Variants in ANKRD31 observed in about 807,000 individuals in gnomAD.
ANKRD31 encodes the protein ankyrin repeat domain 31.
A neutral mutation model predicts 186.0 loss-of-function variants in ANKRD31; 147 were observed. The ratio of observed to expected loss-of-function variants is 0.79; its 90% CI spans 0.69 to 0.91. ANKRD31 has a LOEUF of 0.91. Among genes scored for constraint, ANKRD31 ranks in the 40% least tolerant of loss-of-function variants. The pLI is 0.00. For synonymous variants in ANKRD31, 673 were observed against 736.4 expected (o/e 0.91, Z 1.39); for missense variants, 1,986 against 2,148.8 (o/e 0.92, Z 1.50).
rs371463683 is a variant in ANKRD31, at chr5:75,148,492, A to T, written c.1905+84T>A. 38 of 918,110 alleles carry T rather than the reference A, an allele frequency of 4.1e-5. No individual in the cohort carries two copies. The African/African-American group carries it at 6.2e-4, about 15-fold the overall frequency. 56.9% of individuals were successfully genotyped at this position (918,110 alleles called of 1,614,324 possible). The stretch of plus-strand genomic sequence containing the variant: ...AAGTCATTATTACTAAAGCTTCAGC[A>T]GTCTTTCTCTTCCCTTTGACAATCT... On this transcript the variant is annotated intron_variant, in intron 13 of 25. Coordinates refer to ENST00000506364, the MANE Select transcript of ANKRD31 (RefSeq NM_001372053.1).
At chr5:75,229,382 T>C (rs1240254966) in intron 2 of ANKRD31, among the ~76,000 whole-genome samples, 4 of 152,156 alleles carry the variant, frequency 2.6e-5, no homozygotes, top group Non-Finnish European at 5.9e-5. Flanking sequence ...GGAAAAAGGC[T>C]ATATGGGTGG....
intron 5 of ANKRD31, among the ~76,000 whole-genome samples, chr5:75,200,294 TTTC>T (rs911426601): frequency 4.6e-5 from 5 of 107,728 alleles, no homozygotes; most frequent in Middle Eastern, 4.0e-3. Context: ...ACATTCTTTC[TTTC>T]TTTTTTTTTT....
At chr5:75,078,041 T>G (rs1020556528) in intron 25 of ANKRD31, among the ~76,000 whole-genome samples, 1 of 152,220 alleles carries the variant, frequency 6.6e-6, no homozygotes, top group Non-Finnish European at 1.5e-5. Context: ...ATATTTAATT[T>G]TCTTCTCTTT....
intron 22 of ANKRD31, among the ~76,000 whole-genome samples, chr5:75,099,730 T>C (rs1044219473): frequency 1.3e-5 from 2 of 152,220 alleles, no homozygotes; most frequent in African/African-American, 4.8e-5. Flanking sequence ...TAGGTGTTTA[T>C]AGTATTCTCT....
At chr5:75,188,459 C>T in intron 10 of ANKRD31, 34 bp downstream of exon 10, 1 of 1,520,568 alleles carries the variant, frequency 6.6e-7, no homozygotes, top group Non-Finnish European at 8.8e-7. Flanking sequence ...ACAAACCACT[C>T]TTAAGGTAAC....
chr5:75,150,604 T>C (rs1419454751), intron 12 of ANKRD31, among the ~76,000 whole-genome samples: 1 of 151,944 alleles, frequency 6.6e-6, no homozygotes, highest in Non-Finnish European at 1.5e-5. Context: ...CTTAGTCCTA[T>C]GGAGAAATGT....
chr5:75,118,071 C>A, intron 18 of ANKRD31, 64 bp downstream of exon 18: 1 of 1,202,164 alleles, frequency 8.3e-7, no homozygotes, highest in Non-Finnish European at 1.1e-6. Context: ...CACAACAAAT[C>A]AGAAGATTTT....
At chr5:75,193,693 C>T in intron 7 of ANKRD31, 102 bp from the exon 8 acceptor site, 3 of 1,044,538 alleles carry the variant, frequency 2.9e-6, no homozygotes, top group Non-Finnish European at 4.0e-6. Flanking sequence ...AATTAAAATG[C>T]CTATTATAGG....
At chr5:75,130,258 C>T (rs1749664354) in intron 17 of ANKRD31, among the ~76,000 whole-genome samples, 2 of 152,190 alleles carry the variant, frequency 1.3e-5, no homozygotes, top group African/African-American at 2.4e-5. Context: ...CAGACCTTCA[C>T]CATGAGTGTT....
Position 75,146,921 on chromosome 5 carries a change from G to A in ANKRD31, c.2490C>T (p.Asp830=). The stretch of plus-strand genomic sequence containing the variant: ...CTGGGAAAGAAACAGCTTCAGTTTG[G>A]TCAACAGATTCTAATTCCAAGCATT... The part of the protein sequence containing the change: ...EVQCLELESV[D]QTEAVSFPGL... The change falls in exon 14 of 26, where the codon GAC becomes GAT. Residue 830 remains aspartate, a synonymous_variant. Transcript: ENST00000506364. 6.5e-7 allele frequency: 1 copy of A among 1,536,322 alleles called. No individual in the cohort carries two copies. The highest frequency in any genetic ancestry group is 2.4e-5 in the East Asian group (1 of 40,884).
At chr5:75,084,134 G>A (rs1446062951) in intron 24 of ANKRD31, 138 bp downstream of exon 24, 1 of 668,152 alleles carries the variant, frequency 1.5e-6, no homozygotes, top group Non-Finnish European at 2.5e-6. Flanking sequence ...CCACTGAATT[G>A]TTCACCTTGA....
intron 2 of ANKRD31, among the ~76,000 whole-genome samples, chr5:75,229,937 T>G (rs1757852690): frequency 6.6e-6 from 1 of 151,190 alleles, no homozygotes; most frequent in Non-Finnish European, 1.5e-5. Context: ...GGAATTTGTA[T>G]GTTCTCCCCA....
At chr5:75,078,060 G>A (rs1282621649) in intron 25 of ANKRD31, among the ~76,000 whole-genome samples, 1 of 151,094 alleles carries the variant, frequency 6.6e-6, no homozygotes, top group Non-Finnish European at 1.5e-5. Flanking sequence ...TTCCTTTCCT[G>A]TAGGTAGATA....
At chr5:75,232,174 C>G (rs1757991100) in intron 1 of ANKRD31, among the ~76,000 whole-genome samples, 1 of 152,108 alleles carries the variant, frequency 6.6e-6, no homozygotes. Context: ...AGAAGTAAAC[C>G]ATCTACTGAT....
At position 75,199,622 on chromosome 5, in the gene ANKRD31, C is replaced by T; in HGVS notation, c.447+9G>A. The T allele has an allele frequency of 6.6e-7, 1 of 1,526,600 alleles. No individual in the cohort carries two copies. The highest frequency in any genetic ancestry group is 8.8e-7 in the Non-Finnish European group (1 of 1,140,808). The allele number at this position is 1,526,600 out of a possible 1,614,324, so 94.6% of individuals were successfully genotyped here. On this transcript the variant is annotated intron_variant, in intron 6 of 25. Transcript: ENST00000506364. ...GTCTACATAGTTAATTTCTGTTATA[C>T]AGACCAACCTTTTCTATGTGTGGCA...
At chr5:75,209,842 GCTT>G (rs974860492) in intron 4 of ANKRD31, among the ~76,000 whole-genome samples, 2 of 152,204 alleles carry the variant, frequency 1.3e-5, no homozygotes, top group African/African-American at 4.8e-5. Context: ...AGTGAAACTG[GCTT>G]CTTTTTATTT....
rs1217118097 is a variant in ANKRD31 at position 75,195,681 on chromosome 5, C to T, written c.967G>A (p.Val323Met). The T allele has an allele frequency of 1.3e-6, 2 of 1,536,970 alleles. No homozygotes were observed. Among genetic ancestry groups the T allele is most frequent in the Non-Finnish European group, 1.7e-6 (2 of 1,146,672 alleles). Residue 323 changes from valine to methionine, a missense_variant, in exon 7 of 26, where the codon GTG becomes ATG. By Grantham distance (21) the Val-to-Met change is conservative. Transcript: ENST00000506364. ...TTGGTCTGAGACGTATTGAACTCCA[C>T]TTCTAAACATTCATTTCTGGCAATG... ...SLIARNECLE[V>M]EFNTSQTNED...
chr5:75,224,156 TATATGTATATATATATATATATAC>T lies in ANKRD31; in HGVS notation c.179-1822_179-1799del, dbSNP rs1286967792. ...ATATATATATATATATATATATATA[TATATGTATATATATATATATATAC>T]ACACATTTCTTCCATTAGAATTCCA... On this transcript the variant is annotated intron_variant, in intron 2 of 25. Transcript: ENST00000506364. 5.7e-4 allele frequency among the ~76,000 whole-genome samples: 29 copies of T among 51,026 alleles called. 1 individual carries two copies. In the East Asian group the frequency reaches 0.014, roughly 24 times the overall value. The allele number at this position is 51,026 out of a possible 152,430, so 33.5% of individuals were successfully genotyped here.
At chr5:75,073,060 T>C (rs1040169579) in intron 25 of ANKRD31, among the ~76,000 whole-genome samples, 2 of 152,118 alleles carry the variant, frequency 1.3e-5, no homozygotes, top group Admixed American at 1.3e-4. Context: ...TTGGGAAAAG[T>C]TGGGAAAAAT....
Sources: gnomAD v4.1 joint callset for allele counts (sites outside exome capture counted in the v4.1 genomes callset) on GRCh38, gnomAD v4.1.1 for gene constraint, MANE v1.5 for transcripts, NCBI Gene and HGNC (gene_info 2026-07-23, HGNC 2026-07-21) for gene names.